The following LMX1A variants were observed in gnomAD, a reference collection of about 807,000 sequenced individuals.
LMX1A encodes the protein LIM homeobox transcription factor 1-alpha.
A neutral mutation model predicts 49.1 loss-of-function variants in LMX1A; 15 were observed. That is an observed-to-expected ratio of 0.31 (90% CI 0.20 to 0.47). The LOEUF (loss-of-function observed/expected upper bound fraction) is 0.47, where lower values mean the gene tolerates loss of function less well. LMX1A is among the 20% of genes least tolerant of loss of function. LMX1A has a pLI of 1.00. For synonymous variants in LMX1A, 167 were observed against 185.7 expected, an observed-to-expected ratio of 0.90 and a Z score of 0.82; for missense variants, 372 against 475.8, an observed-to-expected ratio of 0.78 and a Z score of 2.03.
chr1:165,338,390 T>G (rs1017848332), intron 3 of LMX1A, among the ~76,000 whole-genome samples: 4 of 152,236 alleles, frequency 2.6e-5, no homozygotes, highest in South Asian at 2.1e-4. Flanking sequence ...GAAAGTCCTT[T>G]AATCCTTTAA....
At chr1:165,237,834 A>G (rs1451695268) in intron 4 of LMX1A, among the ~76,000 whole-genome samples, 1 of 152,222 alleles carries the variant, frequency 6.6e-6, no homozygotes, top group Non-Finnish European at 1.5e-5. Flanking sequence ...TGTCTAAAGC[A>G]TCTTCAGATC....
chr1:165,340,969 C>T (rs1051007312), intron 3 of LMX1A, among the ~76,000 whole-genome samples: 1 of 152,150 alleles, frequency 6.6e-6, no homozygotes, highest in Non-Finnish European at 1.5e-5. Context: ...AATTCATATC[C>T]TTATTATCTC....
At chr1:165,313,775 G>A (rs1272284079) in intron 3 of LMX1A, among the ~76,000 whole-genome samples, 1 of 152,172 alleles carries the variant, frequency 6.6e-6, no homozygotes, top group Non-Finnish European at 1.5e-5. Context: ...AGTTCACTGA[G>A]GCATGGCATA....
intron 3 of LMX1A, among the ~76,000 whole-genome samples, chr1:165,277,049 G>A (rs570083924): frequency 1.6e-4 from 24 of 152,348 alleles, no homozygotes; most frequent in African/African-American, 5.3e-4. Context: ...ACAACTGAGC[G>A]GTAGAAGCTA....
At chr1:165,261,209 C>A (rs188070978) in intron 3 of LMX1A, among the ~76,000 whole-genome samples, 1 of 152,222 alleles carries the variant, frequency 6.6e-6, no homozygotes, top group African/African-American at 2.4e-5. Context: ...AAAGTCTGAT[C>A]CGGTGGAAGT....
chr1:165,253,289 T>A (rs1653122082), intron 3 of LMX1A, among the ~76,000 whole-genome samples: 1 of 152,304 alleles, frequency 6.6e-6, no homozygotes, highest in South Asian at 2.1e-4. Context: ...TAAAATAGAA[T>A]GGCATAAAGC....
At chr1:165,307,091 C>T (rs533266628) in intron 3 of LMX1A, among the ~76,000 whole-genome samples, 4 of 152,244 alleles carry the variant, frequency 2.6e-5, no homozygotes, top group Non-Finnish European at 5.9e-5. Context: ...GCAGGCCAAA[C>T]TTCCCTTCTT....
At chr1:165,257,623 C>T (rs1283177360) in intron 3 of LMX1A, among the ~76,000 whole-genome samples, 1 of 152,128 alleles carries the variant, frequency 6.6e-6, no homozygotes, top group Non-Finnish European at 1.5e-5. Flanking sequence ...GGAAACAAGA[C>T]AAATCTTGCT....
chr1:165,282,153 G>C (rs963715998), intron 3 of LMX1A, among the ~76,000 whole-genome samples: 1 of 152,126 alleles, frequency 6.6e-6, no homozygotes, highest in Admixed American at 6.5e-5. Flanking sequence ...CATCCATTCA[G>C]CCTCATGGTT....
intron 3 of LMX1A, among the ~76,000 whole-genome samples, chr1:165,303,399 G>C (rs1273771490): frequency 6.6e-6 from 1 of 152,194 alleles, no homozygotes; most frequent in Non-Finnish European, 1.5e-5. Flanking sequence ...GGCTGGGAAC[G>C]CTTCATGGTT....
At chr1:165,323,978 T>C (rs1488869815) in intron 3 of LMX1A, among the ~76,000 whole-genome samples, 3 of 152,230 alleles carry the variant, frequency 2.0e-5, no homozygotes, top group Admixed American at 6.5e-5. Flanking sequence ...AGTTAACCTA[T>C]CATCTCATTT....
intron 3 of LMX1A, among the ~76,000 whole-genome samples, chr1:165,323,262 C>G (rs912050184): frequency 1.3e-5 from 2 of 152,136 alleles, no homozygotes; most frequent in African/African-American, 4.8e-5. Context: ...GTTAACCATA[C>G]AAAATATACA....
intron 3 of LMX1A, among the ~76,000 whole-genome samples, chr1:165,258,489 ACT>A (rs934627005): frequency 2.1e-4 from 32 of 152,054 alleles, no homozygotes; most frequent in Non-Finnish European, 3.8e-4. Flanking sequence ...CAGTCTCAAG[ACT>A]CTGCAGTGGT....
intron 3 of LMX1A, among the ~76,000 whole-genome samples, chr1:165,324,784 A>G (rs1655519930): frequency 6.6e-6 from 1 of 152,216 alleles, no homozygotes; most frequent in African/African-American, 2.4e-5. Context: ...TTACAAATGA[A>G]GAAACTGAGG....
At chr1:165,244,677 C>T (rs1401780723) in intron 4 of LMX1A, among the ~76,000 whole-genome samples, 1 of 151,980 alleles carries the variant, frequency 6.6e-6, no homozygotes, top group South Asian at 2.1e-4. Context: ...GGGAAATGAC[C>T]AAGTAGAGAC....
intron 3 of LMX1A, among the ~76,000 whole-genome samples, chr1:165,301,302 G>A (rs560758669): frequency 4.5e-4 from 69 of 152,186 alleles, no homozygotes; most frequent in African/African-American, 1.6e-3. Context: ...CCTGATTGCA[G>A]AGCCCCCCAT....
intron 3 of LMX1A, among the ~76,000 whole-genome samples, chr1:165,290,453 T>C (rs1045712251): frequency 1.3e-4 from 20 of 152,168 alleles, no homozygotes; most frequent in African/African-American, 4.8e-4. Context: ...TGTGTGTGTG[T>C]GTGTGTGTGT....
Position 165,241,209 on chromosome 1 carries a change from A to G in LMX1A, c.496+8199T>C, listed in dbSNP as rs193244083. 3.3e-4 allele frequency among the ~76,000 whole-genome samples: 51 copies of G among 152,274 alleles called. No individual in the cohort carries two copies. The East Asian group carries it at 9.5e-3, about 28-fold the overall frequency. ...CTAGCCACCCAAAATGACAGGCCCT[A>G]TCTGTACCACCATGAGGTGCCCCAG... On this transcript the variant is annotated intron_variant, in intron 4 of 8. Coordinates refer to ENST00000342310, the MANE Select transcript of LMX1A (RefSeq NM_177398.4).
At chr1:165,299,909 A>T (rs1408283353) in intron 3 of LMX1A, among the ~76,000 whole-genome samples, 1 of 151,992 alleles carries the variant, frequency 6.6e-6, no homozygotes, top group Non-Finnish European at 1.5e-5. Context: ...GACCTCCCCC[A>T]AGACAGGGAA....
Sources: allele counts gnomAD v4.1 joint callset (sites outside exome capture counted in the v4.1 genomes callset), GRCh38; gene constraint gnomAD v4.1.1; transcripts MANE v1.5; gene names NCBI Gene and HGNC (gene_info 2026-07-23, HGNC 2026-07-21).